The following DPP10 variants were observed in gnomAD, a reference collection of about 807,000 sequenced individuals.
The protein encoded by DPP10 is dipeptidyl peptidase like 10.
A neutral mutation model predicts 120.9 loss-of-function variants in DPP10; 33 were observed. The ratio of observed to expected loss-of-function variants is 0.27; its 90% CI spans 0.21 to 0.37. The LOEUF (loss-of-function observed/expected upper bound fraction) is 0.37, where lower values mean the gene tolerates loss of function less well. Among genes scored for constraint, DPP10 ranks in the 10% least tolerant of loss-of-function variants. DPP10 has a pLI of 1.00. For synonymous variants in DPP10, 337 were observed against 326.1 expected, an observed-to-expected ratio of 1.03 and a Z score of -0.36; for missense variants, 816 against 942.8, an observed-to-expected ratio of 0.87 and a Z score of 1.76.
chr2:115,782,115 G>T (rs928615216), intron 16 of DPP10, among the ~76,000 whole-genome samples: 8 of 151,832 alleles, frequency 5.3e-5, no homozygotes, highest in African/African-American at 1.9e-4. Context: ...TAGAACATTT[G>T]GGGGAAGAGA....
intron 1 of DPP10, among the ~76,000 whole-genome samples, chr2:114,937,760 G>A (rs1264694332): frequency 4.6e-5 from 7 of 152,080 alleles, no homozygotes; most frequent in Admixed American, 6.6e-5. Context: ...TTCTGATCTC[G>A]GAAGCTAAGC....
intron 1 of DPP10, among the ~76,000 whole-genome samples, chr2:115,250,487 A>G (rs1574164264): frequency 6.6e-6 from 1 of 152,186 alleles, no homozygotes; most frequent in Non-Finnish European, 1.5e-5. Flanking sequence ...AGAGAAATGT[A>G]TGGGTGGTAC....
intron 1 of DPP10, among the ~76,000 whole-genome samples, chr2:115,133,357 T>C (rs2050482624): frequency 6.6e-6 from 1 of 151,522 alleles, no homozygotes; most frequent in Non-Finnish European, 1.5e-5. Flanking sequence ...GGAACATTTC[T>C]GTTTAGGAAA....
chr2:115,732,917 A>C (rs1187449613), intron 8 of DPP10, among the ~76,000 whole-genome samples: 1 of 152,210 alleles, frequency 6.6e-6, no homozygotes, highest in Non-Finnish European at 1.5e-5. Flanking sequence ...GGGTATTTCC[A>C]ACTTAGTGTA....
At chr2:114,513,059 G>A (rs1684281095) in intron 1 of DPP10, among the ~76,000 whole-genome samples, 1 of 152,098 alleles carries the variant, frequency 6.6e-6, no homozygotes, top group Non-Finnish European at 1.5e-5. Flanking sequence ...AGAGGAGGAA[G>A]TTGAGAAGAG....
At chr2:114,670,525 T>G (rs1336287922) in intron 1 of DPP10, among the ~76,000 whole-genome samples, 1 of 150,370 alleles carries the variant, frequency 6.7e-6, no homozygotes, top group Admixed American at 6.6e-5. Context: ...CTCTGGGGAC[T>G]GTTGTGGGGT....
At chr2:114,833,544 C>A (rs962261068) in intron 1 of DPP10, 8 of 152,132 alleles carry the variant, frequency 5.3e-5, no homozygotes, top group Admixed American at 3.9e-4. Context: ...ACAGGTGGAA[C>A]GTATAGTGCT....
intron 1 of DPP10, among the ~76,000 whole-genome samples, chr2:114,480,991 A>G (rs1558798475): frequency 6.6e-6 from 1 of 152,044 alleles, no homozygotes; most frequent in Admixed American, 6.6e-5. Flanking sequence ...AAAATGAATA[A>G]TGAACTTACA....
intron 1 of DPP10, among the ~76,000 whole-genome samples, chr2:114,562,522 C>T (rs141780728): frequency 6.6e-6 from 1 of 152,242 alleles, no homozygotes; most frequent in East Asian, 1.9e-4. Flanking sequence ...AAAGTAGATG[C>T]AATTCAAGTA....
At chr2:115,546,354 C>T (rs538854066) in intron 5 of DPP10, among the ~76,000 whole-genome samples, 22 of 152,160 alleles carry the variant, frequency 1.4e-4, no homozygotes, top group Non-Finnish European at 2.6e-4. Context: ...TGTACTTTTT[C>T]CTTATGCATA....
At chr2:115,011,401 G>A (rs1167114183) in intron 1 of DPP10, among the ~76,000 whole-genome samples, 14 of 152,084 alleles carry the variant, frequency 9.2e-5, no homozygotes, top group Admixed American at 9.2e-4. Context: ...TTGTGGAATT[G>A]TCTGTTTCTC....
In DPP10 at chr2:114,842,883, G is replaced by T. The variant is rs181635272; in HGVS notation, c.60+400045G>T. 1.3e-3 allele frequency among the ~76,000 whole-genome samples: 199 copies of T among 152,112 alleles called. 2 individuals are homozygous for T. The highest frequency in any genetic ancestry group is 3.4e-3 in the Middle Eastern group (1 of 294). ...AAGAGAGAGAGAGTTGAAAACCTGA[G>T]GTACACAGCACATTCAACATCAGAC... On this transcript the variant is annotated intron_variant, in intron 1 of 25. Transcript: ENST00000410059.
intron 1 of DPP10, among the ~76,000 whole-genome samples, chr2:115,121,243 T>C (rs1002609000): frequency 2.0e-5 from 3 of 152,180 alleles, no homozygotes; most frequent in African/African-American, 7.2e-5. Flanking sequence ...TATGTAAGAA[T>C]AGTAATTGGC....
intron 1 of DPP10, among the ~76,000 whole-genome samples, chr2:114,801,262 C>CAAAAAA (rs1174819592): frequency 1.7e-5 from 1 of 59,642 alleles, no homozygotes; most frequent in African/African-American, 5.5e-5. Flanking sequence ...GACTCTGTAT[C>CAAAAAA]AAAAAAAAAA....
At chr2:114,878,250 A>T (rs912329600) in intron 1 of DPP10, among the ~76,000 whole-genome samples, 4 of 152,068 alleles carry the variant, frequency 2.6e-5, no homozygotes, top group African/African-American at 9.7e-5. Flanking sequence ...CTTAGACACA[A>T]TCTAAAGATC....
At chr2:114,665,684 T>C (rs1014275467) in intron 1 of DPP10, among the ~76,000 whole-genome samples, 1 of 152,192 alleles carries the variant, frequency 6.6e-6, no homozygotes, top group Non-Finnish European at 1.5e-5. Context: ...TAAACTGAAA[T>C]TTTATAGAAA....
At chr2:115,259,200 G>A (rs975594502) in intron 1 of DPP10, among the ~76,000 whole-genome samples, 4 of 152,232 alleles carry the variant, frequency 2.6e-5, no homozygotes, top group African/African-American at 9.6e-5. Context: ...GCAAAAGGCC[G>A]GGTGGGTGGG....
At chr2:114,694,330 C>T (rs183727237) in intron 1 of DPP10, among the ~76,000 whole-genome samples, 190 of 151,820 alleles carry the variant, frequency 1.3e-3, no homozygotes, top group Admixed American at 2.7e-3. Flanking sequence ...TTAACATCTC[C>T]GTAGAGAAAA....
chr2:115,531,395 G>A (rs985538884), intron 5 of DPP10, among the ~76,000 whole-genome samples: 15 of 152,024 alleles, frequency 9.9e-5, no homozygotes, highest in East Asian at 1.9e-4. Context: ...AGAGAGCTAC[G>A]CAGCCAGAAT....
Sources: gnomAD v4.1 joint callset for allele counts (sites outside exome capture counted in the v4.1 genomes callset) on GRCh38, gnomAD v4.1.1 for gene constraint, MANE v1.5 for transcripts, NCBI Gene and HGNC (gene_info 2026-07-23, HGNC 2026-07-21) for gene names.